Variants in EXT2 observed in about 807,000 individuals in gnomAD.
EXT2 encodes exostosin glycosyltransferase 2.
A neutral mutation model predicts 81.6 loss-of-function variants in EXT2; 53 were observed. The ratio of observed to expected loss-of-function variants is 0.65; its 90% CI spans 0.52 to 0.82. The LOEUF (loss-of-function observed/expected upper bound fraction) is 0.82. EXT2 is among the 40% of genes least tolerant of loss of function. EXT2 has a pLI of 0.00. For synonymous variants in EXT2, 320 were observed against 340.0 expected (o/e 0.94, Z 0.65); for missense variants, 774 against 910.2 (o/e 0.85, Z 1.93).
At chr11:44,152,960 C>T (rs920363686) in intron 7 of EXT2, among the ~76,000 whole-genome samples, 4 of 152,184 alleles carry the variant, frequency 2.6e-5, no homozygotes, top group Admixed American at 1.3e-4. Context: ...TTGGTAGTCT[C>T]AGTCTTCTGA....
At chr11:44,218,793 C>CTTTTTTTTTTTTTTTTTTTT in intron 10 of EXT2, among the ~76,000 whole-genome samples, 1 of 92,300 alleles carries the variant, frequency 1.1e-5, no homozygotes, top group Non-Finnish European at 1.9e-5. Context: ...ATCTGCAATT[C>CTTTTTTTTTTTTTTTTTTTT]TTTTTTTTTT....
chr11:44,238,275 T>G (rs77045630), intron 13 of EXT2, among the ~76,000 whole-genome samples: 4,561 of 152,274 alleles, frequency 0.03, 103 homozygotes, highest in South Asian at 0.072. Flanking sequence ...CTTGAACTCC[T>G]AGGCTCAAGT....
At chr11:44,128,132 G>GTTCA (rs887809732) in intron 6 of EXT2, among the ~76,000 whole-genome samples, 5 of 152,154 alleles carry the variant, frequency 3.3e-5, no homozygotes, top group African/African-American at 1.2e-4. Context: ...AAAAGCTCTA[G>GTTCA]TTCATTCATT....
chr11:44,161,608 C>G (rs922249817), intron 7 of EXT2, among the ~76,000 whole-genome samples: 2 of 152,056 alleles, frequency 1.3e-5, no homozygotes, highest in Non-Finnish European at 1.5e-5. Context: ...CTTCTTCCTC[C>G]AGGAGGTGAA....
rs1311259484 is a variant in EXT2 at position 44,119,154 on chromosome 11, A to T, written c.743+4853A>T. On this transcript the variant is annotated intron_variant, in intron 4 of 13. Coordinates refer to ENST00000533608, the MANE Select transcript of EXT2 (RefSeq NM_207122.2). Reference sequence around the variant, plus strand: ...TATATATATATATATATATATATATATATATATATATATATACACATACAC... The same window carrying T: ...TATATATATATATATATATATATATTTATATATATATATATACACATACAC... 4.3e-5 allele frequency among the ~76,000 whole-genome samples: 2 copies of T among 46,010 alleles called. 1 individual carries two copies. Among genetic ancestry groups the T allele is most frequent in the South Asian group, 1.2e-3 (2 of 1,650 alleles). 30.2% of individuals were successfully genotyped at this position (46,010 alleles called of 152,430 possible). A position where few individuals can be genotyped will look rare whatever the true frequency, so the allele number is the denominator to read the frequency against.
chr11:44,166,534 A>G (rs1407248652), intron 7 of EXT2, among the ~76,000 whole-genome samples: 1 of 152,230 alleles, frequency 6.6e-6, no homozygotes, highest in Non-Finnish European at 1.5e-5. Flanking sequence ...CTCATTGTGC[A>G]TGCTTTGCTT....
chr11:44,170,292 T>C (rs1356421329), intron 7 of EXT2, among the ~76,000 whole-genome samples: 7 of 152,118 alleles, frequency 4.6e-5, no homozygotes, highest in Admixed American at 4.6e-4. Flanking sequence ...ATGATGAAAA[T>C]GATATGTAAA....
chr11:44,174,687 C>T (rs531887714), intron 8 of EXT2, among the ~76,000 whole-genome samples: 3 of 152,170 alleles, frequency 2.0e-5, no homozygotes, highest in Admixed American at 6.5e-5. Context: ...AATTTTGCTT[C>T]CTTTTTCCAG....
In EXT2 at chr11:44,124,038, G is replaced by T. The variant is rs4494297; in HGVS notation, c.744-751G>T. Among the ~76,000 whole-genome samples the T allele has an allele frequency of 8.2e-3, 1,246 of 152,000 alleles. 12 individuals carry two copies. The highest frequency in any genetic ancestry group is 0.013 in the Non-Finnish European group (863 of 67,984). On this transcript the variant is annotated intron_variant, in intron 4 of 13. Transcript: ENST00000533608. ...TTACTAACTTTGTGTTTCCATATCT[G>T]TCTCTTGTGGAGATCTGCATGGCAC...
chr11:44,139,223 A>T (rs574386829), intron 7 of EXT2, among the ~76,000 whole-genome samples: 2 of 147,720 alleles, frequency 1.4e-5, no homozygotes, highest in East Asian at 4.0e-4. Flanking sequence ...ATTCATTGGC[A>T]CATTTGGATA....
intron 13 of EXT2, among the ~76,000 whole-genome samples, chr11:44,237,628 A>G (rs1427690547): frequency 6.6e-6 from 1 of 152,106 alleles, no homozygotes; most frequent in Non-Finnish European, 1.5e-5. Context: ...AATAGGGCTG[A>G]GTTAAAATGG....
Position 44,119,124 on chromosome 11 carries a change from T to A in EXT2, c.743+4823T>A, listed in dbSNP as rs372832454. 7.6e-3 allele frequency among the ~76,000 whole-genome samples: 195 copies of A among 25,596 alleles called. 2 individuals are homozygous for A. The highest frequency in any genetic ancestry group is 0.064 in the South Asian group (30 of 466). The allele number at this position is 25,596 out of a possible 152,430, so 16.8% of individuals were successfully genotyped here. A position where few individuals can be genotyped will look rare whatever the true frequency, so the allele number is the denominator to read the frequency against. On this transcript the variant is annotated intron_variant, in intron 4 of 13. Transcript: ENST00000533608. ...TGTCCCCCAGGGGACATTTGGCTAT[T>A]TATATATATATATATATATATATAT...
At chr11:44,242,063 T>G (rs1402246893) in intron 13 of EXT2, among the ~76,000 whole-genome samples, 16 of 152,164 alleles carry the variant, frequency 1.1e-4, no homozygotes, top group Admixed American at 9.8e-4. Context: ...GCGGATCTAG[T>G]TACAGAGGAG....
rs57261356 is a variant in EXT2, at chr11:44,124,444, TACACACAC to T, written c.744-313_744-306del. 1.5e-3 allele frequency among the ~76,000 whole-genome samples: 223 copies of T among 145,038 alleles called. 2 individuals carry two copies. Among genetic ancestry groups the T allele is most frequent in the Middle Eastern group, 0.014 (4 of 292 alleles). ...CCTTCCAAATTATCAGTTTCTCTCC[TACACACAC>T]ACACACACACACACACACACACACA... On this transcript the variant is annotated intron_variant, in intron 4 of 13. Coordinates refer to ENST00000533608, the MANE Select transcript of EXT2 (RefSeq NM_207122.2).
intron 2 of EXT2, 134 bp downstream of exon 2, chr11:44,108,382 G>A: frequency 4.2e-6 from 4 of 951,194 alleles, no homozygotes; most frequent in Non-Finnish European, 6.5e-6. Flanking sequence ...AGGACGGGGT[G>A]TGTTGGAGGG....
chr11:44,200,939 T>A (rs1483440356), intron 9 of EXT2, among the ~76,000 whole-genome samples: 2 of 152,158 alleles, frequency 1.3e-5, no homozygotes, highest in Non-Finnish European at 2.9e-5. Flanking sequence ...AAAAAAGAAA[T>A]CCTTAACACA....
chr11:44,115,804 T>C (rs1014146613), intron 4 of EXT2: 19 of 152,164 alleles, frequency 1.2e-4, no homozygotes, highest in African/African-American at 4.1e-4. Context: ...GGGACCAAAT[T>C]CTGAAACTTA....
intron 9 of EXT2, among the ~76,000 whole-genome samples, chr11:44,200,652 G>T (rs1259006978): frequency 6.6e-6 from 1 of 152,150 alleles, no homozygotes; most frequent in Non-Finnish European, 1.5e-5. Flanking sequence ...CTTTTGAGCC[G>T]AGTTCTAGGA....
At chr11:44,239,283 A>G (rs1372818990) in intron 13 of EXT2, among the ~76,000 whole-genome samples, 2 of 152,048 alleles carry the variant, frequency 1.3e-5, no homozygotes, top group African/African-American at 4.8e-5. Context: ...ATTAGAGTGA[A>G]CTGCTGGACC....
Sources: allele counts gnomAD v4.1 joint callset (sites outside exome capture counted in the v4.1 genomes callset), GRCh38; gene constraint gnomAD v4.1.1; transcripts MANE v1.5; gene names NCBI Gene and HGNC (gene_info 2026-07-23, HGNC 2026-07-21).